The following DDX4 variants were observed in gnomAD, a reference collection of about 807,000 sequenced individuals.
DDX4 encodes the protein DEAD-box helicase 4, also known as probable ATP-dependent RNA helicase DDX4.
In DDX4, 25 loss-of-function variants were observed where a neutral mutation model predicts 100.0. The observed-to-expected ratio is 0.25, with a 90% CI of 0.18 to 0.35. DDX4 has a LOEUF of 0.35. Ranked by LOEUF, DDX4 falls within the 10% of genes least tolerant of loss-of-function variation. DDX4 has a pLI of 1.00. For missense variants in DDX4, 635 were observed against 882.4 expected (o/e 0.72, Z 3.55); for synonymous variants, 259 against 275.7 (o/e 0.94, Z 0.60).
At chr5:55,741,976 C>T (rs1458090578) in intron 2 of DDX4, 3 of 308,588 alleles carry the variant, frequency 9.7e-6, no homozygotes, top group Admixed American at 3.8e-5. Flanking sequence ...TTTCTGAGTG[C>T]TTCTCAGGAG....
chr5:55,756,067 A>G lies in DDX4; in HGVS notation c.128-4133A>G, dbSNP rs138681549. ...GTAGTTATAGGTTATTTGTGGATGT[A>G]TGATATTCCCTATGTAAATATACCG... On this transcript the variant is annotated intron_variant, in intron 3 of 21. Transcript: ENST00000505374. Among the ~76,000 whole-genome samples, 19 of 152,324 alleles carry G rather than the reference A, an allele frequency of 1.2e-4. No individual in the cohort carries two copies. In the East Asian group the frequency reaches 3.7e-3, roughly 29 times the overall value.
intron 2 of DDX4, among the ~76,000 whole-genome samples, chr5:55,741,243 C>T (rs976595708): frequency 1.4e-4 from 22 of 152,078 alleles, no homozygotes; most frequent in African/African-American, 5.1e-4. Flanking sequence ...TTCAAATTTC[C>T]CTTTTTGGGA....
intron 3 of DDX4, among the ~76,000 whole-genome samples, chr5:55,746,840 G>C (rs1759272676): frequency 6.6e-6 from 1 of 152,286 alleles, no homozygotes; most frequent in South Asian, 2.1e-4. Context: ...ATGGGAAGAT[G>C]GGTGGAAGTG....
At chr5:55,793,023 A>AGT (rs10551567) in intron 17 of DDX4, among the ~76,000 whole-genome samples, 18,147 of 144,596 alleles carry the variant, frequency 0.13, 1,141 homozygotes, top group Non-Finnish European at 0.15. Context: ...TTATTTAAAA[A>AGT]GTGTGTGTGT....
chr5:55,782,113 A>C, intron 10 of DDX4, 132 bp downstream of exon 10: 1 of 970,692 alleles, frequency 1.0e-6, no homozygotes. Context: ...GCTTTTATAC[A>C]CTGTGAGGAC....
intron 15 of DDX4, among the ~76,000 whole-genome samples, chr5:55,790,133 A>G (rs1272913773): frequency 2.8e-5 from 4 of 142,356 alleles, no homozygotes; most frequent in Non-Finnish European, 6.1e-5. Flanking sequence ...CAAGTAAAAT[A>G]TCACCTTTTT....
chr5:55,798,618 A>T, intron 18 of DDX4, 47 bp downstream of exon 18: 2 of 1,516,484 alleles, frequency 1.3e-6, no homozygotes, highest in Non-Finnish European at 1.8e-6. Context: ...GATTTTTTTT[A>T]ATGAATAATT....
intron 16 of DDX4, among the ~76,000 whole-genome samples, chr5:55,792,364 T>C (rs902121142): frequency 6.6e-6 from 1 of 151,082 alleles, no homozygotes; most frequent in Non-Finnish European, 1.5e-5. Context: ...TTATTTTTAT[T>C]TTTTTCTTTT....
intron 13 of DDX4, 144 bp downstream of exon 13, chr5:55,786,015 TACCATCTATAATAGAA>T (rs1742224101): frequency 1.8e-6 from 1 of 555,094 alleles, no homozygotes; most frequent in Middle Eastern, 3.5e-4. Flanking sequence ...AATGATGTCT[TACCATCTATAATAGAA>T]TTAATTGCTA....
intron 6 of DDX4, among the ~76,000 whole-genome samples, chr5:55,765,170 T>G (rs925150504): frequency 2.6e-5 from 4 of 151,974 alleles, no homozygotes; most frequent in African/African-American, 9.7e-5. Context: ...CTTTTCCATT[T>G]CTATGTGTTT....
intron 15 of DDX4, among the ~76,000 whole-genome samples, chr5:55,788,633 T>C (rs1232569931): frequency 2.0e-5 from 3 of 152,202 alleles, no homozygotes; most frequent in African/African-American, 4.8e-5. Flanking sequence ...AAAATTCTTA[T>C]TTCATAATAA....
chr5:55,799,969 T>A (rs1481654686), intron 18 of DDX4, among the ~76,000 whole-genome samples: 1 of 152,198 alleles, frequency 6.6e-6, no homozygotes, highest in Non-Finnish European at 1.5e-5. Flanking sequence ...CTTCTGGTCT[T>A]TAATTTGTCC....
At chr5:55,752,627 A>G (rs1366289134) in intron 3 of DDX4, among the ~76,000 whole-genome samples, 1 of 147,910 alleles carries the variant, frequency 6.8e-6, no homozygotes, top group Non-Finnish European at 1.5e-5. Context: ...TGTCGTGAGT[A>G]ATGCCGCAAT....
At chr5:55,763,903 A>T in intron 5 of DDX4, 111 bp from the exon 6 acceptor site, 1 of 741,344 alleles carries the variant, frequency 1.3e-6, no homozygotes, top group South Asian at 1.6e-5. Flanking sequence ...ATAGCTATGT[A>T]TACAATTGTG....
chr5:55,779,599 C>CT (rs1352594066), intron 7 of DDX4, among the ~76,000 whole-genome samples: 5 of 152,074 alleles, frequency 3.3e-5, no homozygotes, highest in Admixed American at 6.5e-5. Flanking sequence ...TTACTATATT[C>CT]TATATGGAGC....
At position 55,798,373 on chromosome 5, in the gene DDX4, T is replaced by C. The variant is rs953216273; in HGVS notation, c.1470-53T>C. ...ACCTACAGGAATTCAGTGGATATTA[T>C]GGATACTGATGGAGAGGAGGATAAG... On this transcript the variant is annotated intron_variant, in intron 17 of 21. Coordinates refer to ENST00000505374, the MANE Select transcript of DDX4 (RefSeq NM_024415.3). 47 of 1,580,288 alleles carry C rather than the reference T, an allele frequency of 3.0e-5. No individual in the cohort carries two copies. The African/African-American group carries it at 6.0e-4, about 20-fold the overall frequency.
At chr5:55,775,090 G>A (rs1235984072) in intron 7 of DDX4, among the ~76,000 whole-genome samples, 4 of 152,026 alleles carry the variant, frequency 2.6e-5, no homozygotes, top group South Asian at 2.1e-4. Context: ...TCTATTTTAG[G>A]TATTTCATAC....
chr5:55,808,908 C>A (rs1167352927), intron 18 of DDX4, among the ~76,000 whole-genome samples: 3 of 152,202 alleles, frequency 2.0e-5, no homozygotes, highest in Admixed American at 1.3e-4. Context: ...TGCCCTGCCC[C>A]CAGAGGTGGA....
At chr5:55,756,059 G>A (rs564705168) in intron 3 of DDX4, among the ~76,000 whole-genome samples, 1 of 152,154 alleles carries the variant, frequency 6.6e-6, no homozygotes, top group Non-Finnish European at 1.5e-5. Flanking sequence ...TAGGTTATTT[G>A]TGGATGTATG....
Sources: allele counts gnomAD v4.1 joint callset (sites outside exome capture counted in the v4.1 genomes callset), GRCh38; gene constraint gnomAD v4.1.1; transcripts MANE v1.5; gene names NCBI Gene and HGNC (gene_info 2026-07-23, HGNC 2026-07-21).